The following RUFY3 variants were observed in gnomAD, a reference collection of about 807,000 sequenced individuals.
RUFY3 encodes the protein protein RUFY3.
A neutral mutation model predicts 84.0 loss-of-function variants in RUFY3; 34 were observed. The ratio of observed to expected loss-of-function variants is 0.40; its 90% CI spans 0.31 to 0.54. The LOEUF (loss-of-function observed/expected upper bound fraction) is 0.54, where lower values mean the gene tolerates loss of function less well. Among genes scored for constraint, RUFY3 ranks in the 20% least tolerant of loss-of-function variants. The pLI is 0.39. For synonymous variants in RUFY3, 242 were observed against 252.9 expected, an observed-to-expected ratio of 0.96 and a Z score of 0.41; for missense variants, 507 against 736.8, an observed-to-expected ratio of 0.69 and a Z score of 3.61.
intron 12 of RUFY3, 150 bp downstream of exon 12, chr4:70,789,742 G>T (rs575548336): frequency 7.6e-7 from 1 of 1,320,552 alleles, no homozygotes; most frequent in Non-Finnish European, 9.7e-7. Context: ...TGAATGTTAT[G>T]TGTGTTTTCT....
chr4:70,791,345 G>A (rs751360418), intron 12 of RUFY3: 21 of 1,604,322 alleles, frequency 1.3e-5, no homozygotes, highest in Non-Finnish European at 1.7e-5. Context: ...CAACTTAATT[G>A]TAAAAGGAAG....
intron 1 of RUFY3, among the ~76,000 whole-genome samples, chr4:70,748,450 T>C (rs1040249052): frequency 1.3e-5 from 2 of 152,240 alleles, no homozygotes; most frequent in Non-Finnish European, 2.9e-5. Context: ...TTTGGTGTTA[T>C]CTCATTTGAA....
intron 1 of RUFY3, among the ~76,000 whole-genome samples, chr4:70,747,057 A>AAATT (rs1319291187): frequency 6.6e-6 from 1 of 152,226 alleles, no homozygotes; most frequent in African/African-American, 2.4e-5. Flanking sequence ...AACTAGGTTA[A>AAATT]AAGTACATGG....
At chr4:70,791,384 T>C in intron 12 of RUFY3, 1 of 1,556,606 alleles carries the variant, frequency 6.4e-7, no homozygotes, top group Non-Finnish European at 8.7e-7. Context: ...ATTTAAGCTC[T>C]GATTCTATAT....
At chr4:70,708,627 CTG>C (rs1740617212) in intron 1 of RUFY3, among the ~76,000 whole-genome samples, 1 of 152,114 alleles carries the variant, frequency 6.6e-6, no homozygotes, top group Non-Finnish European at 1.5e-5. Flanking sequence ...CTTTGAAAGA[CTG>C]TGTATTAAGG....
intron 1 of RUFY3, among the ~76,000 whole-genome samples, chr4:70,751,658 A>T (rs542009265): frequency 4.3e-4 from 65 of 152,110 alleles, no homozygotes; most frequent in African/African-American, 1.6e-3. Flanking sequence ...ATTGGATCTG[A>T]TTTGCAAATA....
intron 1 of RUFY3, among the ~76,000 whole-genome samples, chr4:70,733,137 GGAGA>G (rs778346957): frequency 0.072 from 6,165 of 86,112 alleles, 208 homozygotes; most frequent in Admixed American, 0.13. Flanking sequence ...AGGGAGGGAG[GGAGA>G]GAGAGAGAGA....
chr4:70,750,574 G>A (rs1722970762), intron 1 of RUFY3, among the ~76,000 whole-genome samples: 1 of 152,124 alleles, frequency 6.6e-6, no homozygotes, highest in African/African-American at 2.4e-5. Flanking sequence ...ACTTTAAAGT[G>A]TACAATTCAG....
intron 17 of RUFY3, among the ~76,000 whole-genome samples, chr4:70,805,542 G>A (rs534417689): frequency 4.6e-5 from 7 of 152,298 alleles, no homozygotes; most frequent in African/African-American, 1.7e-4. Flanking sequence ...AGCACCATCT[G>A]TGATCATGCA....
chr4:70,743,434 T>C (rs747340171), intron 1 of RUFY3, among the ~76,000 whole-genome samples: 1 of 152,132 alleles, frequency 6.6e-6, no homozygotes, highest in Non-Finnish European at 1.5e-5. Flanking sequence ...ATTCCTTTGA[T>C]AGACTAGATA....
intron 1 of RUFY3, among the ~76,000 whole-genome samples, chr4:70,745,080 G>T (rs574357265): frequency 4.7e-4 from 71 of 152,186 alleles, no homozygotes; most frequent in African/African-American, 1.7e-3. Flanking sequence ...GAGTAGCTGG[G>T]ACTACAGGTG....
At chr4:70,771,917 A>G (rs922892049) in intron 5 of RUFY3, among the ~76,000 whole-genome samples, 3 of 152,146 alleles carry the variant, frequency 2.0e-5, no homozygotes, top group Non-Finnish European at 1.5e-5. Context: ...ATGAGAAAAT[A>G]TATTTACTAT....
At chr4:70,705,050 G>T (rs746874233) in exon 1 of RUFY3, 17 of 1,250,104 alleles carry the variant, frequency 1.4e-5, no homozygotes, top group South Asian at 6.3e-5. Context: ...CCGGGGGCAC[G>T]GACCGAGAGG....
At position 70,773,566 on chromosome 4, in the gene RUFY3, C is replaced by G. The variant is rs1241119232; in HGVS notation, c.752C>G (p.Thr251Ser). ...AAGGACGGGAACAGCAGTAAAGGTACTGAAGGGTACGTACAAAGAAAATTA... is the reference window on the plus strand; with the variant it reads ...AAGGACGGGAACAGCAGTAAAGGTAGTGAAGGGTACGTACAAAGAAAATTA... The part of the protein sequence containing the change: ...YLKDGNSSKG[T>S]EGDGQITAIL... The change falls in exon 6 of 18, where the codon ACT (threonine) becomes AGT (serine). Residue 251 changes from threonine to serine, a missense_variant. Thr to Ser is a moderately conservative substitution (Grantham distance 58). This residue lies in a region of RUFY3 where 23 missense variants were observed against 17.0 expected (regional missense o/e 1.36). Coordinates refer to ENST00000381006, the MANE Select transcript of RUFY3 (RefSeq NM_001037442.4). 6.2e-7 allele frequency: 1 copy of G among 1,607,258 alleles called. No individual in the cohort carries two copies. Among genetic ancestry groups the G allele is most frequent in the South Asian group, 1.1e-5 (1 of 90,892 alleles).
chr4:70,741,780 GGTTTTATTTCCCATGGCAATAA>G, intron 1 of RUFY3: 2 of 862,488 alleles, frequency 2.3e-6, no homozygotes, highest in Non-Finnish European at 3.3e-6. Context: ...GTCAGCTTTA[GGTTTTATTTCCCATGGCAATAA>G]GTGGAAATCT....
In RUFY3 at chr4:70,773,628, T is replaced by C. The variant is rs1578166852; in HGVS notation, c.758+56T>C. On this transcript the variant is annotated intron_variant, in intron 6 of 17. Coordinates refer to ENST00000381006, the MANE Select transcript of RUFY3 (RefSeq NM_001037442.4). The stretch of plus-strand genomic sequence containing the variant: ...TCCTGATGTAGCATTTTTTTTCCTT[T>C]GGTGGTACTTAAAGTTTACAACAAT... The C allele has an allele frequency of 1.3e-5, 16 of 1,221,464 alleles. No individual in the cohort carries two copies. The East Asian group carries it at 3.5e-4, about 27-fold the overall frequency. 75.7% of individuals were successfully genotyped at this position (1,221,464 alleles called of 1,614,324 possible). A position where few individuals can be genotyped will look rare whatever the true frequency, so the allele number is the denominator to read the frequency against.
chr4:70,759,865 A>G (rs1246003207), intron 1 of RUFY3, among the ~76,000 whole-genome samples: 1 of 152,196 alleles, frequency 6.6e-6, no homozygotes, highest in Non-Finnish European at 1.5e-5. Context: ...GTGTCTGGAG[A>G]CATTTTTGGT....
At chr4:70,767,152 C>T (rs1205029526) in intron 4 of RUFY3, among the ~76,000 whole-genome samples, 1 of 151,568 alleles carries the variant, frequency 6.6e-6, no homozygotes, top group Non-Finnish European at 1.5e-5. Flanking sequence ...GTGGCACGAT[C>T]TCAGCTCACC....
intron 1 of RUFY3, among the ~76,000 whole-genome samples, chr4:70,706,813 A>G (rs1384452170): frequency 6.6e-6 from 1 of 152,246 alleles, no homozygotes. Context: ...CTTCCTATAC[A>G]GAGGAGGCAA....
Sources: allele counts gnomAD v4.1 joint callset (sites outside exome capture counted in the v4.1 genomes callset), GRCh38; gene constraint gnomAD v4.1.1; regional missense constraint gnomAD v4.1.1; transcripts MANE v1.5; gene names NCBI Gene and HGNC (gene_info 2026-07-23, HGNC 2026-07-21).